Variants in KIF26B observed in about 807,000 individuals in gnomAD.
The protein encoded by KIF26B is kinesin-like protein KIF26B.
In KIF26B, 63 loss-of-function variants were observed where a neutral mutation model predicts 151.2. The ratio of observed to expected loss-of-function variants is 0.42; its 90% CI spans 0.34 to 0.51. The LOEUF (loss-of-function observed/expected upper bound fraction) is 0.51, where lower values mean the gene tolerates loss of function less well. Among genes scored for constraint, KIF26B ranks in the 20% least tolerant of loss-of-function variants. KIF26B has a pLI of 0.07. For missense variants in KIF26B, 2,813 were observed against 2,913.6 expected (o/e 0.97, Z 0.79); for synonymous variants, 1,357 against 1,262.1 (o/e 1.08, Z -1.59).
At chr1:245,307,620 GT>G (rs1281579313) in intron 2 of KIF26B, among the ~76,000 whole-genome samples, 1 of 152,132 alleles carries the variant, frequency 6.6e-6, no homozygotes, top group Non-Finnish European at 1.5e-5. Flanking sequence ...TGCTTTGGAT[GT>G]TTTTTTAGTT....
intron 10 of KIF26B, among the ~76,000 whole-genome samples, chr1:245,669,044 G>C (rs1224430184): frequency 1.3e-5 from 2 of 152,130 alleles, no homozygotes; most frequent in Admixed American, 6.6e-5. Flanking sequence ...TCATAATAGA[G>C]TTGGCTTCAT....
At chr1:245,640,122 G>GCTCTCTCTCTCTCTCTCTCTCTCTCTCT in intron 9 of KIF26B, among the ~76,000 whole-genome samples, 562 of 53,732 alleles carry the variant, frequency 0.01, 79 homozygotes, top group East Asian at 0.025. Context: ...ACTAATATTT[G>GCTCTCTCTCTCTCTCTCTCTCTCTCTCT]CTCTCTCTCT....
At chr1:245,452,271 T>G (rs1659413046) in intron 4 of KIF26B, among the ~76,000 whole-genome samples, 1 of 152,256 alleles carries the variant, frequency 6.6e-6, no homozygotes, top group African/African-American at 2.4e-5. Flanking sequence ...ATTTTATTCC[T>G]TTGTATGGCT....
intron 3 of KIF26B, among the ~76,000 whole-genome samples, chr1:245,419,065 G>GTTT (rs1658398029): frequency 6.6e-6 from 1 of 152,166 alleles, no homozygotes; most frequent in Non-Finnish European, 1.5e-5. Flanking sequence ...TATGTTGCCT[G>GTTT]TTTTATTGAC....
At position 245,686,550 on chromosome 1, in the gene KIF26B, G is replaced by A. The variant is rs371441732; in HGVS notation, c.3567G>A (p.Val1189=). ...PLELNGEDEL[V]FTLVEELTIS... ...AGCTGAACGGTGAGGACGAGCTGGT[G>A]TTCACGCTGGTGGAGGAGCTGACCA... The change falls in exon 12 of 15, where the codon GTG becomes GTA. Residue 1189 remains valine (V), a synonymous_variant. Coordinates refer to ENST00000407071, the MANE Select transcript of KIF26B (RefSeq NM_018012.4). The surrounding 1 kb of genome is among the most constrained non-coding windows in gnomAD (Gnocchi z 5.6). 1.8e-4 allele frequency: 287 copies of A among 1,612,996 alleles called. No individual in the cohort carries two copies. Among genetic ancestry groups the A allele is most frequent in the Non-Finnish European group, 2.3e-4 (271 of 1,179,840 alleles).
intron 5 of KIF26B, among the ~76,000 whole-genome samples, chr1:245,550,975 C>G (rs981143588): frequency 1.3e-5 from 2 of 152,200 alleles, no homozygotes; most frequent in Admixed American, 1.3e-4. Flanking sequence ...CTGGGGAATG[C>G]CTTAGCCCAT....
At chr1:245,215,000 T>C (rs575064951) in intron 2 of KIF26B, among the ~76,000 whole-genome samples, 38 of 152,234 alleles carry the variant, frequency 2.5e-4, no homozygotes, top group African/African-American at 8.9e-4. Flanking sequence ...GGAGGTGGCA[T>C]GTCAGTTGGG....
At chr1:245,598,024 T>G (rs1572149004) in intron 5 of KIF26B, among the ~76,000 whole-genome samples, 1 of 152,238 alleles carries the variant, frequency 6.6e-6, no homozygotes, top group Middle Eastern at 3.4e-3. Flanking sequence ...TAGTTAGCAA[T>G]TCCTCTAACC....
intron 2 of KIF26B, among the ~76,000 whole-genome samples, chr1:245,346,960 TATAAC>T (rs752524864): frequency 1.5e-4 from 23 of 152,218 alleles, no homozygotes; most frequent in Non-Finnish European, 2.5e-4. Context: ...TTTACTATCT[TATAAC>T]ATTAACTTCT....
intron 5 of KIF26B, among the ~76,000 whole-genome samples, chr1:245,590,265 C>A (rs1276625400): frequency 6.7e-6 from 1 of 149,668 alleles, no homozygotes; most frequent in Non-Finnish European, 1.5e-5. Flanking sequence ...CGCAGGGTCC[C>A]GGGGTCCCTG....
chr1:245,438,567 G>T (rs144731191), intron 4 of KIF26B, among the ~76,000 whole-genome samples: 3 of 152,078 alleles, frequency 2.0e-5, no homozygotes, highest in Non-Finnish European at 4.4e-5. Context: ...AAACGAAGGC[G>T]TTTGTTCACG....
intron 3 of KIF26B, among the ~76,000 whole-genome samples, chr1:245,411,931 A>C (rs1674296595): frequency 6.6e-6 from 1 of 152,220 alleles, no homozygotes; most frequent in Non-Finnish European, 1.5e-5. Flanking sequence ...GTCTGACTGC[A>C]GTGGAACATC....
chr1:245,161,498 T>A (rs899256284), intron 2 of KIF26B, among the ~76,000 whole-genome samples: 4 of 152,224 alleles, frequency 2.6e-5, no homozygotes, highest in African/African-American at 9.6e-5. Context: ...GGAGGCAACA[T>A]CAGTTGCCAT....
intron 2 of KIF26B, among the ~76,000 whole-genome samples, chr1:245,325,809 G>T (rs1176191965): frequency 6.6e-6 from 1 of 152,156 alleles, no homozygotes; most frequent in Non-Finnish European, 1.5e-5. Context: ...ACAGCATTTG[G>T]TGTGCCAGGT....
intron 2 of KIF26B, among the ~76,000 whole-genome samples, chr1:245,269,243 CG>C (rs1670805777): frequency 7.5e-6 from 1 of 133,330 alleles, no homozygotes; most frequent in Non-Finnish European, 1.6e-5. Context: ...CTCCTCCCAC[CG>C]AACGGCCCCT....
At chr1:245,403,396 A>G (rs994045186) in intron 3 of KIF26B, among the ~76,000 whole-genome samples, 8 of 152,190 alleles carry the variant, frequency 5.3e-5, no homozygotes, top group African/African-American at 1.9e-4. Flanking sequence ...CTATTTCCTC[A>G]GTGGGCATGT....
chr1:245,382,591 A>G (rs139926976), intron 3 of KIF26B, among the ~76,000 whole-genome samples: 3,611 of 151,956 alleles, frequency 0.024, 137 homozygotes, highest in African/African-American at 0.083. Flanking sequence ...TTTTTGAGGC[A>G]GAGTTTCATT....
intron 10 of KIF26B, among the ~76,000 whole-genome samples, chr1:245,662,344 C>CA (rs2044155823): frequency 7.0e-6 from 1 of 142,164 alleles, no homozygotes; most frequent in Non-Finnish European, 1.6e-5. Flanking sequence ...TACACACACA[C>CA]CCTATATATA....
At chr1:245,243,203 C>G (rs1156257867) in intron 2 of KIF26B, among the ~76,000 whole-genome samples, 1 of 152,140 alleles carries the variant, frequency 6.6e-6, no homozygotes, top group East Asian at 1.9e-4. Flanking sequence ...TTCTCCCTTG[C>G]CAATACTTGT....
Sources: allele counts gnomAD v4.1 joint callset (sites outside exome capture counted in the v4.1 genomes callset), GRCh38; gene constraint gnomAD v4.1.1; non-coding constraint Gnocchi (gnomAD v3.1); transcripts MANE v1.5; gene names NCBI Gene and HGNC (gene_info 2026-07-23, HGNC 2026-07-21).